ZBTB20: variants seen among roughly 807,000 people sequenced by gnomAD.
ZBTB20 encodes the protein zinc finger and BTB domain containing 20.
ZBTB20 carries 9 observed loss-of-function variants against 56.9 expected under a neutral mutation model. The ratio of observed to expected loss-of-function variants is 0.16; its 90% CI spans 0.10 to 0.28. The LOEUF (loss-of-function observed/expected upper bound fraction) is 0.28, where lower values mean the gene tolerates loss of function less well. Among genes scored for constraint, ZBTB20 ranks in the 10% least tolerant of loss-of-function variants. The pLI, the probability that ZBTB20 is intolerant of heterozygous loss-of-function variation, is 1.00. For synonymous variants in ZBTB20, 417 were observed against 420.7 expected, an observed-to-expected ratio of 0.99 and a Z score of 0.11; for missense variants, 655 against 1,003.0, an observed-to-expected ratio of 0.65 and a Z score of 4.69.
chr3:114,587,360 C>T (rs539342553), intron 6 of ZBTB20, among the ~76,000 whole-genome samples: 1 of 152,170 alleles, frequency 6.6e-6, no homozygotes, highest in Admixed American at 6.5e-5. Flanking sequence ...CACAGATGTA[C>T]ACTATCTGGG....
At position 114,541,712 on chromosome 3, in the gene ZBTB20, T is replaced by C. The variant is rs577883872; in HGVS notation, c.-294-41321A>G. 2.2e-3 allele frequency among the ~76,000 whole-genome samples: 328 copies of C among 152,306 alleles called. 3 individuals are homozygous for C. Among genetic ancestry groups the C allele is most frequent in the African/African-American group, 7.7e-3 (321 of 41,572 alleles). On this transcript the variant is annotated intron_variant, in intron 6 of 11. Transcript: ENST00000675478. ...ACAAAGCATATTCATGTGGGATTAA[T>C]GTTGAAAGAGTAACTCAGAATATTT... is the stretch of plus-strand genomic sequence containing the variant.
chr3:114,777,994 G>C (rs1389992261), intron 5 of ZBTB20, among the ~76,000 whole-genome samples: 2 of 148,048 alleles, frequency 1.4e-5, no homozygotes, highest in African/African-American at 5.0e-5. Flanking sequence ...CTATCGCAAA[G>C]ACAAAAAACC....
chr3:114,449,059 A>G (rs989257956), intron 7 of ZBTB20, among the ~76,000 whole-genome samples: 4 of 152,128 alleles, frequency 2.6e-5, no homozygotes, highest in Non-Finnish European at 1.5e-5. Context: ...ATCAGTATTA[A>G]CCTGGCAGGT....
chr3:114,644,120 C>T (rs2107939141), intron 6 of ZBTB20, among the ~76,000 whole-genome samples: 1 of 151,732 alleles, frequency 6.6e-6, no homozygotes, highest in Non-Finnish European at 1.5e-5. Context: ...AATAACAATT[C>T]CAAGGATATT....
Position 114,327,232 on chromosome 3 carries a change from G to A in ZBTB20, c.*11773C>T, listed in dbSNP as rs1039883939. 8 of 152,016 alleles carry A rather than the reference G, an allele frequency of 5.3e-5. No individual in the cohort carries two copies. Among genetic ancestry groups the A allele is most frequent in the Non-Finnish European group, 8.8e-5 (6 of 68,000 alleles). 9.4% of individuals were successfully genotyped at this position (152,016 alleles called of 1,614,324 possible). On this transcript the variant is annotated 3_prime_UTR_variant, in exon 12 of 12. Coordinates refer to ENST00000675478, the MANE Select transcript of ZBTB20 (RefSeq NM_001348800.3). ...CACAGAGGTTGTGGTGAGAAATTCT[G>A]GGTCTTGGGGTTGGAATACTTCTTG...
chr3:114,524,980 T>C (rs995510711), intron 6 of ZBTB20, among the ~76,000 whole-genome samples: 1 of 152,124 alleles, frequency 6.6e-6, no homozygotes, highest in African/African-American at 2.4e-5. Context: ...TCCCAAAATG[T>C]TGGGATTACA....
chr3:114,589,038 C>G (rs1420385571), intron 6 of ZBTB20, among the ~76,000 whole-genome samples: 1 of 152,090 alleles, frequency 6.6e-6, no homozygotes, highest in East Asian at 1.9e-4. Context: ...CTCACCATCA[C>G]GAGAAAATCA....
At chr3:114,537,541 G>A (rs1243445484) in intron 6 of ZBTB20, among the ~76,000 whole-genome samples, 2 of 152,154 alleles carry the variant, frequency 1.3e-5, no homozygotes, top group African/African-American at 4.8e-5. Flanking sequence ...GTTGGTGGGA[G>A]TGTAAATTAG....
chr3:115,112,866 C>A (rs777348745), intron 1 of ZBTB20, among the ~76,000 whole-genome samples: 8 of 152,062 alleles, frequency 5.3e-5, no homozygotes, highest in Non-Finnish European at 8.8e-5. Flanking sequence ...TGAAAAATGT[C>A]CATACTGTTT....
rs910338579 is a variant in ZBTB20, at chr3:114,767,052, C to T, written c.-343+34049G>A. Among the ~76,000 whole-genome samples the T allele has an allele frequency of 2.6e-5, 4 of 152,098 alleles. No individual in the cohort carries two copies. In the South Asian group the frequency reaches 8.3e-4, roughly 32 times the overall value. The stretch of plus-strand genomic sequence containing the variant: ...ATTCTCTATAGAAGTTGGAGATGGT[C>T]TTGTCTACATATCTAAAGTAACTGA... On this transcript the variant is annotated intron_variant, in intron 5 of 11. Transcript: ENST00000675478.
intron 2 of ZBTB20, among the ~76,000 whole-genome samples, chr3:115,063,710 A>C (rs1260404679): frequency 6.6e-6 from 1 of 151,882 alleles, no homozygotes; most frequent in African/African-American, 2.4e-5. Flanking sequence ...TTACCAGTTA[A>C]ATAGTACCAC....
intron 11 of ZBTB20, among the ~76,000 whole-genome samples, chr3:114,341,738 G>C (rs920764776): frequency 6.6e-6 from 1 of 152,204 alleles, no homozygotes; most frequent in Non-Finnish European, 1.5e-5. Flanking sequence ...GGCTTTTTAA[G>C]TGTTTTCATT....
At chr3:114,514,880 C>T (rs568665518) in intron 6 of ZBTB20, among the ~76,000 whole-genome samples, 9 of 152,280 alleles carry the variant, frequency 5.9e-5, no homozygotes, top group Admixed American at 2.0e-4. Context: ...AAACAATTTG[C>T]TTCTTGTCAA....
intron 6 of ZBTB20, among the ~76,000 whole-genome samples, chr3:114,628,457 C>A (rs1205840916): frequency 6.6e-6 from 1 of 152,128 alleles, no homozygotes; most frequent in African/African-American, 2.4e-5. Context: ...CACTCTTTAA[C>A]TTAGATAAAG....
At chr3:115,027,908 T>C (rs974667567) in intron 2 of ZBTB20, among the ~76,000 whole-genome samples, 1 of 150,790 alleles carries the variant, frequency 6.6e-6, no homozygotes, top group Non-Finnish European at 1.5e-5. Context: ...TTCTATTTAA[T>C]TTCCTTTTTC....
intron 4 of ZBTB20, among the ~76,000 whole-genome samples, chr3:114,858,098 A>G (rs1426601241): frequency 6.6e-6 from 1 of 152,236 alleles, no homozygotes; most frequent in Non-Finnish European, 1.5e-5. Flanking sequence ...TGAGGTCTTC[A>G]TTCATAAAAC....
intron 6 of ZBTB20, among the ~76,000 whole-genome samples, chr3:114,578,152 C>T (rs2054285879): frequency 6.6e-6 from 1 of 151,296 alleles, no homozygotes; most frequent in African/African-American, 2.4e-5. Flanking sequence ...AATCAGAAAT[C>T]TTAAAAAATT....
At chr3:114,847,258 G>T (rs1259143627) in intron 4 of ZBTB20, among the ~76,000 whole-genome samples, 1 of 148,924 alleles carries the variant, frequency 6.7e-6, no homozygotes, top group Non-Finnish European at 1.5e-5. Context: ...CTTCAGATTT[G>T]GGACCTTACC....
chr3:115,056,010 C>A (rs984488320), intron 2 of ZBTB20, among the ~76,000 whole-genome samples: 5 of 151,938 alleles, frequency 3.3e-5, no homozygotes, highest in African/African-American at 1.2e-4. Context: ...GTAAATAATT[C>A]CATATAAAAG....
Sources: allele counts gnomAD v4.1 joint callset (sites outside exome capture counted in the v4.1 genomes callset), GRCh38; gene constraint gnomAD v4.1.1; transcripts MANE v1.5; gene names NCBI Gene and HGNC (gene_info 2026-07-23, HGNC 2026-07-21).